Variants in MGAT4C observed in about 807,000 individuals in gnomAD.
The protein encoded by MGAT4C is MGAT4 family member C, also known as alpha-1,3-mannosyl-glycoprotein 4-beta-N-acetylglucosaminyltransferase C.
A neutral mutation model predicts 40.1 loss-of-function variants in MGAT4C; 19 were observed. The observed-to-expected ratio is 0.47, with a 90% CI of 0.33 to 0.70. MGAT4C has a LOEUF of 0.70. Among genes scored for constraint, MGAT4C ranks in the 30% least tolerant of loss-of-function variants. The pLI is 0.02. For synonymous variants in MGAT4C, 181 were observed against 187.1 expected, an observed-to-expected ratio of 0.97 and a Z score of 0.27; for missense variants, 491 against 563.2, an observed-to-expected ratio of 0.87 and a Z score of 1.30.
At position 86,322,461 on chromosome 12, in the gene MGAT4C, A is replaced by G. The variant is rs967248422; in HGVS notation, c.-57+11604T>C. Among the ~76,000 whole-genome samples the G allele has an allele frequency of 1.3e-4, 19 of 151,496 alleles. 1 individual carries two copies. The highest frequency in any genetic ancestry group is 4.6e-4 in the African/African-American group (19 of 41,396). On this transcript the variant is annotated intron_variant, in intron 4 of 7. Transcript: ENST00000548651. ...TTTGGTTGCTATTACATTTTTAGACATATAATCTTAACAGATTATAAGTTT... is the reference window on the plus strand; with the variant it reads ...TTTGGTTGCTATTACATTTTTAGACGTATAATCTTAACAGATTATAAGTTT...
chr12:86,389,451 G>A (rs1360806492), intron 3 of MGAT4C, among the ~76,000 whole-genome samples: 1 of 152,076 alleles, frequency 6.6e-6, no homozygotes, highest in Admixed American at 6.5e-5. Context: ...ACATTGATGG[G>A]GTATTTAGGT....
rs1003294428 is a variant in MGAT4C, at chr12:85,959,940, C to G, written c.*19349G>C. 6.6e-6 allele frequency: 1 copy of G among 151,728 alleles called. No individual in the cohort carries two copies. The highest frequency in any genetic ancestry group is 1.5e-5 in the Non-Finnish European group (1 of 67,866). The allele number at this position is 151,728 out of a possible 1,614,324, so 9.4% of individuals were successfully genotyped here. ...TTAGATCAAGGTCAGTTTTTTTACTCCTCTGTAGAACTGTGAAGATAATAT... is the reference window on the plus strand; with the variant it reads ...TTAGATCAAGGTCAGTTTTTTTACTGCTCTGTAGAACTGTGAAGATAATAT... On this transcript the variant is annotated 3_prime_UTR_variant, in exon 5 of 5. Transcript: ENST00000611864.
At chr12:86,327,433 C>A (rs938239076) in intron 4 of MGAT4C, among the ~76,000 whole-genome samples, 4 of 151,924 alleles carry the variant, frequency 2.6e-5, no homozygotes, top group Non-Finnish European at 4.4e-5. Context: ...CTAGTCACCA[C>A]CCTGCTAACT....
chr12:85,975,479 CTGA>C lies in MGAT4C; in HGVS notation c.*3807_*3809del, dbSNP rs1262053701. On this transcript the variant is annotated 3_prime_UTR_variant, in exon 5 of 5. Transcript: ENST00000611864. Reference sequence around the variant, plus strand: ...TTATTCCTATTCACAGATGTAGAAACTGAGTTTCAAGAAGGTTAAGTAAATTTC... The same window carrying C: ...TTATTCCTATTCACAGATGTAGAAACGTTTCAAGAAGGTTAAGTAAATTTC... 6.6e-6 allele frequency: 1 copy of C among 150,872 alleles called. No homozygotes were observed. Among genetic ancestry groups the C allele is most frequent in the Non-Finnish European group, 1.5e-5 (1 of 67,134 alleles). The allele number at this position is 150,872 out of a possible 1,614,324, so 9.3% of individuals were successfully genotyped here.
chr12:86,438,290 T>C (rs1439769199), intron 2 of MGAT4C, among the ~76,000 whole-genome samples: 1 of 151,964 alleles, frequency 6.6e-6, no homozygotes, highest in African/African-American at 2.4e-5. Context: ...GCCCTAATTA[T>C]CTTTAATTCT....
At chr12:86,584,839 C>T (rs1960940994) in intron 2 of MGAT4C, among the ~76,000 whole-genome samples, 2 of 151,316 alleles carry the variant, frequency 1.3e-5, no homozygotes, top group Non-Finnish European at 3.0e-5. Context: ...ATCATGTCCA[C>T]GATGGCTTGT....
chr12:86,046,518 C>A (rs1229879049), intron 2 of MGAT4C, among the ~76,000 whole-genome samples: 1 of 152,084 alleles, frequency 6.6e-6, no homozygotes, highest in Non-Finnish European at 1.5e-5. Flanking sequence ...TGACTAGAAA[C>A]ACATTAGTAA....
intron 1 of MGAT4C, among the ~76,000 whole-genome samples, chr12:86,762,492 C>A (rs535321260): frequency 6.6e-6 from 1 of 152,242 alleles, no homozygotes; most frequent in East Asian, 1.9e-4. Context: ...TAGAAGCTGT[C>A]TTCAGGACCA....
At chr12:86,248,884 T>A (rs1450514835) in intron 1 of MGAT4C, among the ~76,000 whole-genome samples, 1 of 152,166 alleles carries the variant, frequency 6.6e-6, no homozygotes, top group East Asian at 1.9e-4. Flanking sequence ...CTAGCTAGTG[T>A]TATGCTCTGT....
At chr12:86,310,093 C>T (rs572313175) in intron 4 of MGAT4C, among the ~76,000 whole-genome samples, 1 of 150,234 alleles carries the variant, frequency 6.7e-6, no homozygotes, top group East Asian at 1.9e-4. Flanking sequence ...AGTAGAGAAA[C>T]CAGTGAGCTA....
At chr12:86,198,123 AGTT>A (rs1949894195) in intron 1 of MGAT4C, among the ~76,000 whole-genome samples, 2 of 152,210 alleles carry the variant, frequency 1.3e-5, no homozygotes, top group Admixed American at 1.3e-4. Context: ...AATGGAATAA[AGTT>A]TAGTAATATA....
chr12:86,553,060 T>C (rs1178772241), intron 2 of MGAT4C, among the ~76,000 whole-genome samples: 1 of 152,126 alleles, frequency 6.6e-6, no homozygotes, highest in Non-Finnish European at 1.5e-5. Context: ...CTAGATATCA[T>C]ACTACCTAGG....
chr12:86,837,091 G>A (rs1253727073), intron 1 of MGAT4C, among the ~76,000 whole-genome samples: 1 of 152,110 alleles, frequency 6.6e-6, no homozygotes, highest in Non-Finnish European at 1.5e-5. Flanking sequence ...TTAAATTAGA[G>A]CTGTGAGTTA....
intron 2 of MGAT4C, among the ~76,000 whole-genome samples, chr12:86,581,468 C>A (rs1451459593): frequency 1.3e-5 from 2 of 151,376 alleles, no homozygotes; most frequent in Non-Finnish European, 3.0e-5. Flanking sequence ...CTGTTTCCTG[C>A]AGCTGAGAGT....
chr12:86,686,762 T>TTGATCTTCATCGGAGATACTGG (rs1950079434), intron 2 of MGAT4C, among the ~76,000 whole-genome samples: 1 of 152,248 alleles, frequency 6.6e-6, no homozygotes, highest in Non-Finnish European at 1.5e-5. Context: ...AATTTTCACA[T>TTGATCTTCATCGGAGATACTGG]TGATCTTCAT....
intron 2 of MGAT4C, among the ~76,000 whole-genome samples, chr12:86,473,206 C>T (rs1380295637): frequency 2.0e-5 from 3 of 152,146 alleles, no homozygotes; most frequent in African/African-American, 7.2e-5. Flanking sequence ...ATCTGCCTGC[C>T]TCAGCCTCCC....
chr12:86,328,101 C>A (rs918158134), intron 4 of MGAT4C, among the ~76,000 whole-genome samples: 2 of 152,090 alleles, frequency 1.3e-5, no homozygotes, highest in African/African-American at 4.8e-5. Context: ...AATGTGCCAC[C>A]TTTACATTAA....
chr12:86,655,469 T>G (rs1030323332), intron 2 of MGAT4C, among the ~76,000 whole-genome samples: 4 of 152,096 alleles, frequency 2.6e-5, no homozygotes, highest in African/African-American at 7.2e-5. Context: ...TCACCAGCAC[T>G]CAGTCCTGGG....
rs572809352 is a variant in MGAT4C at position 86,365,025 on chromosome 12, C to T, written c.-119-30898G>A. 2.3e-3 allele frequency among the ~76,000 whole-genome samples: 347 copies of T among 152,186 alleles called. 1 individual carries two copies. Among genetic ancestry groups the T allele is most frequent in the South Asian group, 5.4e-3 (26 of 4,808 alleles). The stretch of plus-strand genomic sequence containing the variant: ...AAAATTTATTAGGTGGGAATTTCCT[C>T]GTCCTAATACGCCTGGGAGCACTAC... On this transcript the variant is annotated intron_variant, in intron 3 of 7. Coordinates refer to the MGAT4C transcript ENST00000548651.
Sources: gnomAD v4.1 joint callset for allele counts (sites outside exome capture counted in the v4.1 genomes callset) on GRCh38, gnomAD v4.1.1 for gene constraint, MANE v1.5 for transcripts, NCBI Gene and HGNC (gene_info 2026-07-23, HGNC 2026-07-21) for gene names.